CHSY3: variants seen among roughly 807,000 people sequenced by gnomAD.
CHSY3 encodes the protein chondroitin sulfate synthase 3, also known as N-acetylgalactosaminyl-proteoglycan 3-beta-glucuronosyltransferase 3.
In CHSY3, 35 loss-of-function variants were observed where a neutral mutation model predicts 67.2. The observed-to-expected ratio is 0.52, with a 90% CI of 0.40 to 0.69. CHSY3 has a LOEUF of 0.69. Among genes scored for constraint, CHSY3 ranks in the 30% least tolerant of loss-of-function variants. CHSY3 has a pLI of 0.00. For missense variants in CHSY3, 1,069 were observed against 1,138.5 expected (o/e 0.94, Z 0.88); for synonymous variants, 474 against 434.7 (o/e 1.09, Z -1.12).
intron 2 of CHSY3, among the ~76,000 whole-genome samples, chr5:130,178,253 A>ATATATATATTTTTTTT (rs1205782386): frequency 2.2e-5 from 1 of 45,912 alleles, no homozygotes; most frequent in African/African-American, 1.0e-4. Context: ...ATATATATAT[A>ATATATATATTTTTTTT]TTTTTTTTTT....
intron 2 of CHSY3, among the ~76,000 whole-genome samples, chr5:129,935,326 T>C (rs1178817118): frequency 6.6e-6 from 1 of 152,188 alleles, no homozygotes; most frequent in African/African-American, 2.4e-5. Flanking sequence ...TTTTGTTTAA[T>C]TTTGGCAGTC....
chr5:130,044,776 A>G (rs1765097485), intron 2 of CHSY3, among the ~76,000 whole-genome samples: 1 of 152,066 alleles, frequency 6.6e-6, no homozygotes, highest in African/African-American at 2.4e-5. Context: ...AACGTAAGAA[A>G]AGCTTACTGG....
At chr5:129,931,058 A>C (rs1312574977) in intron 2 of CHSY3, among the ~76,000 whole-genome samples, 1 of 151,650 alleles carries the variant, frequency 6.6e-6, no homozygotes, top group African/African-American at 2.4e-5. Context: ...TATCATGCTA[A>C]CTGAATTTTT....
At chr5:130,107,442 AGTGT>A (rs61527103) in intron 2 of CHSY3, among the ~76,000 whole-genome samples, 1 of 149,274 alleles carries the variant, frequency 6.7e-6, no homozygotes, top group East Asian at 1.9e-4. Flanking sequence ...TTACGGGGCT[AGTGT>A]GTGTGTGTGT....
intron 2 of CHSY3, among the ~76,000 whole-genome samples, chr5:129,963,392 G>T (rs191598309): frequency 1.1e-4 from 16 of 152,128 alleles, no homozygotes; most frequent in Middle Eastern, 3.4e-3. Flanking sequence ...CACGACACTT[G>T]AGTGTCAGAG....
intron 2 of CHSY3, among the ~76,000 whole-genome samples, chr5:129,957,279 T>G (rs1202321720): frequency 6.6e-6 from 1 of 152,124 alleles, no homozygotes; most frequent in Non-Finnish European, 1.5e-5. Flanking sequence ...TTTTTTTTGG[T>G]GAATAGGATT....
chr5:130,020,288 G>A (rs1247076686), intron 2 of CHSY3, among the ~76,000 whole-genome samples: 1 of 151,508 alleles, frequency 6.6e-6, no homozygotes, highest in African/African-American at 2.4e-5. Flanking sequence ...GGGTGTGGTG[G>A]CTGGTGCCTG....
chr5:129,996,951 C>T (rs191110971), intron 2 of CHSY3, among the ~76,000 whole-genome samples: 153 of 152,132 alleles, frequency 1.0e-3, no homozygotes, highest in African/African-American at 3.6e-3. Context: ...TGAATTTATA[C>T]AAATTTTTTT....
chr5:130,042,756 C>A (rs926333535), intron 2 of CHSY3, among the ~76,000 whole-genome samples: 1 of 152,084 alleles, frequency 6.6e-6, no homozygotes, highest in Non-Finnish European at 1.5e-5. Context: ...GTTTCTCACT[C>A]TTCATATAGG....
chr5:130,057,247 A>T (rs1001560181), intron 2 of CHSY3, among the ~76,000 whole-genome samples: 5 of 151,918 alleles, frequency 3.3e-5, no homozygotes, highest in Admixed American at 6.6e-5. Flanking sequence ...TTCTTTTTTT[A>T]AAAAACCACC....
chr5:129,998,304 AG>A (rs1402232037), intron 2 of CHSY3, among the ~76,000 whole-genome samples: 1 of 152,200 alleles, frequency 6.6e-6, no homozygotes, highest in Non-Finnish European at 1.5e-5. Flanking sequence ...CTTGTTCATT[AG>A]TATATGAGGA....
intron 2 of CHSY3, among the ~76,000 whole-genome samples, chr5:130,055,225 G>C (rs1765490717): frequency 6.6e-6 from 1 of 150,388 alleles, no homozygotes; most frequent in African/African-American, 2.5e-5. Context: ...AAACAATTCT[G>C]TGTTTTTGAC....
At chr5:130,100,416 C>G (rs1389373391) in intron 2 of CHSY3, among the ~76,000 whole-genome samples, 1 of 149,842 alleles carries the variant, frequency 6.7e-6, no homozygotes, top group Non-Finnish European at 1.5e-5. Context: ...AGGATGGTCT[C>G]GATCTCCTGA....
At position 130,017,463 on chromosome 5, in the gene CHSY3, G is replaced by A. The variant is rs1432869035; in HGVS notation, c.1086+109103G>A. Among the ~76,000 whole-genome samples the A allele has an allele frequency of 2.0e-5, 3 of 152,080 alleles. No individual in the cohort carries two copies. In the East Asian group the frequency reaches 5.8e-4, roughly 29 times the overall value. ...TGTGGTGGTGGGATGGAGGGGTCTG[G>A]GGTAGGGAAGGCTGGGGTAGCGTAC... is the stretch of plus-strand genomic sequence containing the variant. On this transcript the variant is annotated intron_variant, in intron 2 of 2. Coordinates refer to ENST00000305031, the MANE Select transcript of CHSY3 (RefSeq NM_175856.5).
intron 2 of CHSY3, among the ~76,000 whole-genome samples, chr5:129,956,290 A>T (rs1762170954): frequency 6.6e-6 from 1 of 151,852 alleles, no homozygotes; most frequent in Non-Finnish European, 1.5e-5. Context: ...TTTGATTTTC[A>T]TTTCTCTAAC....
At chr5:130,043,395 A>G (rs984333736) in intron 2 of CHSY3, among the ~76,000 whole-genome samples, 3 of 152,138 alleles carry the variant, frequency 2.0e-5, no homozygotes, top group Non-Finnish European at 2.9e-5. Flanking sequence ...ATAGATTTCA[A>G]TTAAGGAATT....
At chr5:130,020,439 ATATATATATATATATATATATATTTT>A (rs1489056564) in intron 2 of CHSY3, among the ~76,000 whole-genome samples, 1 of 7,570 alleles carries the variant, frequency 1.3e-4, no homozygotes, top group African/African-American at 2.4e-4. Flanking sequence ...ATATATATAT[ATATATATATATATATATATATATTTT>A]TTTTTTTTTT....
chr5:130,068,288 C>T (rs965266192), intron 2 of CHSY3, among the ~76,000 whole-genome samples: 8 of 152,064 alleles, frequency 5.3e-5, no homozygotes, highest in African/African-American at 1.9e-4. Flanking sequence ...CCACTAATTG[C>T]CCATTTCAGT....
intron 2 of CHSY3, among the ~76,000 whole-genome samples, chr5:130,031,044 G>A (rs1478437797): frequency 1.3e-5 from 2 of 151,956 alleles, no homozygotes; most frequent in Non-Finnish European, 2.9e-5. Context: ...AGTATAAGAA[G>A]CAGATGGTGT....
Sources: allele counts gnomAD v4.1 joint callset (sites outside exome capture counted in the v4.1 genomes callset), GRCh38; gene constraint gnomAD v4.1.1; transcripts MANE v1.5; gene names NCBI Gene and HGNC (gene_info 2026-07-23, HGNC 2026-07-21).